The following SLC2A9 variants were observed in gnomAD, a reference collection of about 807,000 sequenced individuals.
SLC2A9 encodes solute carrier family 2 member 9.
SLC2A9 carries 39 observed loss-of-function variants against 50.6 expected under a neutral mutation model. The observed-to-expected ratio is 0.77, with a 90% CI of 0.60 to 1.01. The LOEUF (loss-of-function observed/expected upper bound fraction) is 1.01, where lower values mean the gene tolerates loss of function less well. SLC2A9 is among the 50% of genes least tolerant of loss of function. SLC2A9 has a pLI of 0.00. For missense variants in SLC2A9, 686 were observed against 677.6 expected (o/e 1.01, Z -0.14); for synonymous variants, 324 against 276.9 (o/e 1.17, Z -1.69).
At chr4:9,849,927 G>T (rs775054006) in intron 10 of SLC2A9, among the ~76,000 whole-genome samples, 1 of 151,900 alleles carries the variant, frequency 6.6e-6, no homozygotes, top group Non-Finnish European at 1.5e-5. Flanking sequence ...GTGCTGGGAG[G>T]GGGTGTTGAA....
intron 5 of SLC2A9, among the ~76,000 whole-genome samples, chr4:9,977,321 G>A (rs1482055681): frequency 6.6e-6 from 1 of 152,228 alleles, no homozygotes; most frequent in East Asian, 1.9e-4. Flanking sequence ...TACAAATTAT[G>A]AAATATGACA....
At chr4:9,955,814 C>T (rs539122798) in intron 5 of SLC2A9, among the ~76,000 whole-genome samples, 13 of 146,732 alleles carry the variant, frequency 8.9e-5, no homozygotes, top group East Asian at 2.0e-4. Flanking sequence ...CCCCACTGGA[C>T]ATTCTCTAGG....
At chr4:10,017,901 C>T (rs1410268986) in intron 2 of SLC2A9, among the ~76,000 whole-genome samples, 1 of 152,188 alleles carries the variant, frequency 6.6e-6, no homozygotes, top group Non-Finnish European at 1.5e-5. Flanking sequence ...CTCCAAGAAC[C>T]TGGAGCTCCC....
chr4:9,892,603 T>G (rs1160894970), intron 8 of SLC2A9, among the ~76,000 whole-genome samples: 3 of 152,146 alleles, frequency 2.0e-5, no homozygotes, highest in African/African-American at 4.8e-5. Context: ...TTTCCCCACC[T>G]GGAAAATGAG....
intron 2 of SLC2A9, among the ~76,000 whole-genome samples, chr4:10,013,520 C>T (rs1037332180): frequency 3.9e-5 from 6 of 152,188 alleles, no homozygotes; most frequent in African/African-American, 1.2e-4. Context: ...TCAGTTTCCT[C>T]GCCTTTAAAA....
At chr4:10,021,550 G>A, upstream of SLC2A9, 1 of 1,492,436 alleles carries the variant, frequency 6.7e-7, no homozygotes, top group Non-Finnish European at 9.1e-7. Flanking sequence ...AGGAAGTGTG[G>A]CAATTTGATC....
intron 3 of SLC2A9, among the ~76,000 whole-genome samples, chr4:9,788,520 A>AATC (rs1241991834): frequency 2.0e-5 from 3 of 151,998 alleles, no homozygotes; most frequent in African/African-American, 7.2e-5. Flanking sequence ...AATAGGTTAT[A>AATC]ATCTTTTACT....
intron 8 of SLC2A9, among the ~76,000 whole-genome samples, chr4:9,900,215 T>C (rs1034997231): frequency 5.3e-5 from 8 of 152,068 alleles, no homozygotes; most frequent in Non-Finnish European, 1.0e-4. Flanking sequence ...GGATGGTAAA[T>C]GCTGTCTCCA....
rs73223788 is a variant in SLC2A9 at position 9,826,878 on chromosome 4, C to T, written c.1420-278G>A. ...TTTGGCATTTAAAAATTAATCATCA[C>T]GAAAGCAAAATGGAATGCTTGCTGA... On this transcript the variant is annotated intron_variant, in intron 11 of 11. Coordinates refer to ENST00000264784, the MANE Select transcript of SLC2A9 (RefSeq NM_020041.3). 0.054 allele frequency among the ~76,000 whole-genome samples: 8,161 copies of T among 152,132 alleles called. 327 individuals are homozygous for T. The highest frequency in any genetic ancestry group is 0.083 in the Non-Finnish European group (5,660 of 67,984).
intron 5 of SLC2A9, among the ~76,000 whole-genome samples, chr4:9,963,653 G>A (rs1402268485): frequency 2.6e-5 from 4 of 152,140 alleles, no homozygotes; most frequent in East Asian, 1.9e-4. Flanking sequence ...GCCCCTGCTC[G>A]CTGGGTTTTG....
intron 3 of SLC2A9, among the ~76,000 whole-genome samples, chr4:9,819,541 C>T (rs1724114446): frequency 1.3e-5 from 2 of 152,194 alleles, no homozygotes; most frequent in South Asian, 2.1e-4. Context: ...GAATGCTCTT[C>T]ATGTATTTTT....
At chr4:10,030,707 G>A (rs1024735697) in intron 1 of SLC2A9, among the ~76,000 whole-genome samples, 1 of 152,116 alleles carries the variant, frequency 6.6e-6, no homozygotes, top group South Asian at 2.1e-4. Flanking sequence ...CCTGGCTTTC[G>A]TGTTTTGAGA....
intron 5 of SLC2A9, among the ~76,000 whole-genome samples, chr4:9,945,344 T>C (rs931045029): frequency 4.6e-5 from 7 of 152,210 alleles, no homozygotes; most frequent in Non-Finnish European, 2.9e-5. Context: ...ATTTAGTCCA[T>C]GAATGGATGT....
At chr4:9,817,163 C>A (rs895874364) in intron 3 of SLC2A9, among the ~76,000 whole-genome samples, 1 of 152,192 alleles carries the variant, frequency 6.6e-6, no homozygotes, top group Non-Finnish European at 1.5e-5. Context: ...CTTATGAGGA[C>A]ATTGGGTTTA....
chr4:9,873,187 G>A (rs573690640), intron 10 of SLC2A9, among the ~76,000 whole-genome samples: 1 of 152,338 alleles, frequency 6.6e-6, no homozygotes, highest in South Asian at 2.1e-4. Context: ...CCTAAGGGCA[G>A]AGACTCTATG....
At chr4:9,834,664 T>C (rs1726727114) in intron 11 of SLC2A9, among the ~76,000 whole-genome samples, 2 of 152,136 alleles carry the variant, frequency 1.3e-5, no homozygotes, top group South Asian at 2.1e-4. Flanking sequence ...CCACACCCTC[T>C]GAAAGAGCCC....
chr4:9,821,533 A>G (rs1211714418), downstream of SLC2A9, among the ~76,000 whole-genome samples: 1 of 152,196 alleles, frequency 6.6e-6, no homozygotes, highest in Non-Finnish European at 1.5e-5. Flanking sequence ...GCATTAGGAG[A>G]AATATCTAAT....
At chr4:9,901,595 A>T (rs1739624735) in intron 8 of SLC2A9, among the ~76,000 whole-genome samples, 1 of 152,232 alleles carries the variant, frequency 6.6e-6, no homozygotes, top group Admixed American at 6.5e-5. Flanking sequence ...AAAGAAAACA[A>T]TCAACAGAGT....
intron 10 of SLC2A9, among the ~76,000 whole-genome samples, chr4:9,856,644 C>T (rs1730760507): frequency 6.6e-6 from 1 of 152,144 alleles, no homozygotes; most frequent in Non-Finnish European, 1.5e-5. Flanking sequence ...ATTGTTCTAC[C>T]ATAAAGACAG....
Sources: allele counts gnomAD v4.1 joint callset (sites outside exome capture counted in the v4.1 genomes callset), GRCh38; gene constraint gnomAD v4.1.1; transcripts MANE v1.5; gene names NCBI Gene and HGNC (gene_info 2026-07-23, HGNC 2026-07-21).